The following SLC9A9 variants were observed in gnomAD, a reference collection of about 807,000 sequenced individuals.
SLC9A9 encodes the protein solute carrier family 9 member A9, also known as sodium/hydrogen exchanger 9.
A neutral mutation model predicts 77.8 loss-of-function variants in SLC9A9; 62 were observed. The ratio of observed to expected loss-of-function variants is 0.80; its 90% confidence interval spans 0.65 to 0.98. The LOEUF (loss-of-function observed/expected upper bound fraction) is 0.98. SLC9A9 is among the 50% of genes least tolerant of loss of function. The pLI is 0.00. For synonymous variants in SLC9A9, 320 were observed against 283.5 expected (o/e 1.13, Z -1.29); for missense variants, 775 against 774.9 (o/e 1.00, Z 0.00).
chr3:143,744,541 A>C (rs1935159980), intron 4 of SLC9A9, among the ~76,000 whole-genome samples: 1 of 152,258 alleles, frequency 6.6e-6, no homozygotes, highest in South Asian at 2.1e-4. Flanking sequence ...ATCGCTACTC[A>C]GCAGCCTGCC....
At chr3:143,602,241 A>G (rs542366378) in intron 6 of SLC9A9, among the ~76,000 whole-genome samples, 2 of 152,172 alleles carry the variant, frequency 1.3e-5, no homozygotes, top group Admixed American at 6.5e-5. Flanking sequence ...CTTGTTCACT[A>G]TGGGACCAGC....
At chr3:143,549,924 A>C (rs888899276) in intron 9 of SLC9A9, among the ~76,000 whole-genome samples, 3 of 152,194 alleles carry the variant, frequency 2.0e-5, no homozygotes, top group African/African-American at 7.2e-5. Flanking sequence ...AATTAAAAGG[A>C]TTCTGAAAGA....
intron 4 of SLC9A9, among the ~76,000 whole-genome samples, chr3:143,730,048 T>C (rs1934760621): frequency 6.6e-6 from 1 of 152,216 alleles, no homozygotes; most frequent in Non-Finnish European, 1.5e-5. Flanking sequence ...CCAAACCATA[T>C]CACACAAATA....
chr3:143,807,492 A>G (rs1362076507), intron 2 of SLC9A9, among the ~76,000 whole-genome samples: 1 of 152,090 alleles, frequency 6.6e-6, no homozygotes, highest in Non-Finnish European at 1.5e-5. Context: ...TTCATGATCT[A>G]TGTTCCTTCT....
chr3:143,424,990 TTTG>T (rs2034376672), intron 12 of SLC9A9, among the ~76,000 whole-genome samples: 1 of 152,176 alleles, frequency 6.6e-6, no homozygotes, highest in African/African-American at 2.4e-5. Flanking sequence ...CTGAATACTG[TTTG>T]TTGTTTTTAT....
intron 14 of SLC9A9, among the ~76,000 whole-genome samples, chr3:143,355,592 C>A (rs2032564949): frequency 6.6e-6 from 1 of 152,208 alleles, no homozygotes; most frequent in Non-Finnish European, 1.5e-5. Context: ...TAAAAACCAA[C>A]AGTGGAATGT....
chr3:143,312,704 A>G (rs2031062121), intron 14 of SLC9A9, among the ~76,000 whole-genome samples: 1 of 152,156 alleles, frequency 6.6e-6, no homozygotes, highest in Non-Finnish European at 1.5e-5. Flanking sequence ...CCCTCATGTC[A>G]CAGTGTTTGG....
Position 143,652,278 on chromosome 3 carries a change from A to T in SLC9A9, c.732T>A (p.Asp244Glu). ...TLLFGESVLN[D>E]AVAIVLTYSI... ...ACTATGTAAGGACTATGGCCACTGCATCATTCAACACACTCTCTCCAAACA... is the reference window on the plus strand; with the variant it reads ...ACTATGTAAGGACTATGGCCACTGCTTCATTCAACACACTCTCTCCAAACA... Residue 244 changes from aspartate to glutamate, a missense_variant, in exon 6 of 16, where the codon GAT (aspartate) becomes GAA (glutamate). Coordinates refer to ENST00000316549, the MANE Select transcript of SLC9A9 (RefSeq NM_173653.4). The T allele has an allele frequency of 6.2e-7, 1 of 1,613,254 alleles. No homozygotes were observed.
At chr3:143,386,126 T>A (rs78511578) in intron 12 of SLC9A9, among the ~76,000 whole-genome samples, 3,792 of 152,230 alleles carry the variant, frequency 0.025, 74 homozygotes, top group Non-Finnish European at 0.038. Context: ...AGATCTCCCA[T>A]CACTAGAAGT....
At chr3:143,504,690 A>G (rs2035981922) in intron 9 of SLC9A9, among the ~76,000 whole-genome samples, 1 of 152,214 alleles carries the variant, frequency 6.6e-6, no homozygotes, top group East Asian at 1.9e-4. Context: ...AAATTGTACT[A>G]AGAAATGTAT....
chr3:143,344,937 A>G (rs2032216415), intron 14 of SLC9A9, among the ~76,000 whole-genome samples: 2 of 152,354 alleles, frequency 1.3e-5, no homozygotes, highest in East Asian at 3.9e-4. Flanking sequence ...TGAAGTATTT[A>G]TCATGAATGT....
At chr3:143,602,313 A>G (rs191794765) in intron 6 of SLC9A9, among the ~76,000 whole-genome samples, 3 of 152,298 alleles carry the variant, frequency 2.0e-5, no homozygotes, top group Non-Finnish European at 4.4e-5. Flanking sequence ...ACATCAGCTA[A>G]GGTTCTGGCT....
At chr3:143,495,877 T>A (rs1239947279) in intron 9 of SLC9A9, among the ~76,000 whole-genome samples, 1 of 152,210 alleles carries the variant, frequency 6.6e-6, no homozygotes, top group Admixed American at 6.5e-5. Context: ...ACAACTGTTT[T>A]TTTTAAGCTT....
intron 9 of SLC9A9, among the ~76,000 whole-genome samples, chr3:143,532,047 G>T (rs764880479): frequency 1.2e-4 from 18 of 152,072 alleles, no homozygotes; most frequent in Non-Finnish European, 2.5e-4. Flanking sequence ...AAAGAAATTT[G>T]CAAAAATAGA....
chr3:143,565,344 T>G (rs1302393388), intron 8 of SLC9A9, among the ~76,000 whole-genome samples: 1 of 152,202 alleles, frequency 6.6e-6, no homozygotes, highest in Non-Finnish European at 1.5e-5. Context: ...ATTTTCTACA[T>G]GCCTATGCAG....
chr3:143,449,575 T>A (rs1479303493), intron 12 of SLC9A9, among the ~76,000 whole-genome samples: 8 of 23,380 alleles, frequency 3.4e-4, no homozygotes, highest in African/African-American at 7.5e-4. Context: ...TAATTATAAT[T>A]ATATAATTAT....
chr3:143,673,039 C>T (rs1267341370), intron 5 of SLC9A9, among the ~76,000 whole-genome samples: 2 of 152,226 alleles, frequency 1.3e-5, no homozygotes, highest in Non-Finnish European at 2.9e-5. Flanking sequence ...AGTTACACTA[C>T]AGCAAACTTT....
chr3:143,590,937 G>C (rs549268113), intron 6 of SLC9A9, among the ~76,000 whole-genome samples: 1 of 152,354 alleles, frequency 6.6e-6, no homozygotes, highest in East Asian at 1.9e-4. Flanking sequence ...AATGCTGTGT[G>C]CTGAGGACTG....
chr3:143,502,054 C>T (rs1304831246), intron 9 of SLC9A9, among the ~76,000 whole-genome samples: 1 of 151,042 alleles, frequency 6.6e-6, no homozygotes, highest in Non-Finnish European at 1.5e-5. Flanking sequence ...ACAATAACAA[C>T]ACATTTCAAA....
Sources: allele counts gnomAD v4.1 joint callset (sites outside exome capture counted in the v4.1 genomes callset), GRCh38; gene constraint gnomAD v4.1.1; transcripts MANE v1.5; gene names NCBI Gene and HGNC (gene_info 2026-07-23, HGNC 2026-07-21).